CFP: variants seen among roughly 807,000 people sequenced by gnomAD.
CFP encodes the protein complement factor properdin.
CFP carries 14 observed loss-of-function variants against 42.1 expected under a neutral mutation model. That is an observed-to-expected ratio of 0.33 (90% CI 0.22 to 0.52). The LOEUF is 0.52. Ranked by LOEUF, CFP falls within the 20% of genes least tolerant of loss-of-function variation. The pLI is 0.96. For synonymous variants in CFP, 149 were observed against 160.6 expected, an observed-to-expected ratio of 0.93 and a Z score of 0.54; for missense variants, 318 against 400.4, an observed-to-expected ratio of 0.79 and a Z score of 1.76.
intron 8 of CFP, 87 bp from the exon 9 acceptor site, chrX:47,624,527 T>C: frequency 1.5e-6 from 1 of 675,556 alleles, no homozygotes; most frequent in South Asian, 3.7e-5. Context: ...GCCTGCTATA[T>C]GCCGAGGGCT....
Position 47,629,816 on chromosome X carries a change from C to T in CFP, c.29G>A (p.Arg10Gln), listed in dbSNP as rs888034371. 10 of 1,165,843 alleles carry T rather than the reference C, an allele frequency of 8.6e-6. No individual in the cohort carries two copies. The highest frequency in any genetic ancestry group is 7.2e-5 in the African/African-American group (4 of 55,401). The change falls in exon 1 of 9, where the codon CGA (arginine) becomes CAA (glutamine). Residue 10 changes from arginine (R) to glutamine (Q), a missense_variant. Physicochemically the swap from Arg to Gln is conservative, Grantham distance 43. Coordinates refer to ENST00000396992, the MANE Select transcript of CFP (RefSeq NM_001145252.3). MITEGAQAP[R>Q]LLLPPLLLLL... is the part of the protein sequence containing the mutation. ...CAGGAGCAGCGGCGGCAGCAACAATCGAGGGGCCTGCGCTCCCTCTGTGAT... is the reference window on the plus strand; with the variant it reads ...CAGGAGCAGCGGCGGCAGCAACAATTGAGGGGCCTGCGCTCCCTCTGTGAT...
intron 3 of CFP, 119 bp downstream of exon 3, chrX:47,627,982 TC>T: frequency 1.1e-6 from 1 of 882,739 alleles, no homozygotes. Context: ...CTCCCACCAC[TC>T]TCCTCCTTAG....
At chrX:47,627,974 C>T in intron 3 of CFP, 128 bp downstream of exon 3, 2 of 837,803 alleles carry the variant, frequency 2.4e-6, no homozygotes, top group Non-Finnish European at 3.4e-6. Context: ...GACCTCACCT[C>T]CCACCACTCT....
At chrX:47,629,499 T>TCCCCCCCCCCCCGGCCC in intron 2 of CFP, 25 bp downstream of exon 2, 1 of 373,024 alleles carries the variant, frequency 2.7e-6, no homozygotes, top group South Asian at 3.3e-5. Context: ...CTCCCCCCCA[T>TCCCCCCCCCCCCGGCCC]CCCCCACCCC....
rs1451588268 is a variant in CFP at position 47,623,419 on chromosome X, C to T, written c.*856G>A. The T allele has an allele frequency of 8.9e-6, 1 of 112,377 alleles. No individual in the cohort carries two copies. The highest frequency in any genetic ancestry group is 1.9e-5 in the Non-Finnish European group (1 of 53,313). The allele number at this position is 112,377 out of a possible 1,213,427, so 9.3% of individuals were successfully genotyped here. A position where few individuals can be genotyped will look rare whatever the true frequency, so the allele number is the denominator to read the frequency against. ...ATAGATGTTCACACGAAAGGAATACCTTCTGAGTCTGTTCCCTCACTCAGA... is the reference window on the plus strand; with the variant it reads ...ATAGATGTTCACACGAAAGGAATACTTTCTGAGTCTGTTCCCTCACTCAGA... On this transcript the variant is annotated 3_prime_UTR_variant, in exon 9 of 9. Coordinates refer to ENST00000396992, the MANE Select transcript of CFP (RefSeq NM_001145252.3).
intron 5 of CFP, 63 bp from the exon 6 acceptor site, chrX:47,627,009 A>G (rs2057971508): frequency 8.7e-7 from 1 of 1,144,988 alleles, no homozygotes; most frequent in Non-Finnish European, 1.2e-6. Flanking sequence ...CAGCCCCTAG[A>G]CCCTTGAAGC....
In CFP at chrX:47,629,594, C is replaced by A. The variant is rs8177068; in HGVS notation, c.157G>T (p.Val53Leu). 8.5e-7 allele frequency: 1 copy of A among 1,170,418 alleles called. No individual in the cohort carries two copies. The highest frequency in any genetic ancestry group is 2.6e-5 in the Admixed American group (1 of 39,084). The part of the protein sequence containing the change: ...CKGLLGGGVS[V>L]EDCCLNTAFA... The stretch of plus-strand genomic sequence containing the variant: ...GCAGTGTTGAGACAGCAGTCTTCCA[C>A]GCTGACACCACCCCCCAGGAGGCCC... Residue 53 changes from valine to leucine, a missense_variant, in exon 2 of 9, where the codon GTG (valine) becomes TTG (leucine). Transcript: ENST00000396992.
At chrX:47,624,539 CTTT>C (rs11385461) in intron 8 of CFP, 99 bp from the exon 9 acceptor site, 714 of 301,344 alleles carry the variant, frequency 2.4e-3, no homozygotes, top group East Asian at 3.6e-3. Context: ...CCGAGGGCTA[CTTT>C]TTTTTTTTTT....
Position 47,623,575 on chromosome X carries a change from C to T in CFP, c.*700G>A, listed in dbSNP as rs2057956050. The T allele has an allele frequency of 1.8e-5, 2 of 113,264 alleles. No homozygotes were observed. Among genetic ancestry groups the T allele is most frequent in the Admixed American group, 9.2e-5 (1 of 10,835 alleles). 9.3% of individuals were successfully genotyped at this position (113,264 alleles called of 1,213,427 possible). On this transcript the variant is annotated 3_prime_UTR_variant, in exon 9 of 9. Transcript: ENST00000396992. ...AGTGTCTGGATTTGTCTTGGGGGCT[C>T]CTCCGGGCGGATACTGACTCTAGCT...
intron 8 of CFP, chrX:47,624,962 A>G (rs2057963059): frequency 8.9e-6 from 1 of 111,818 alleles, no homozygotes; most frequent in South Asian, 3.7e-4. Flanking sequence ...ACTTTCTTTT[A>G]CCTCCGAAAT....
chrX:47,624,507 C>A, intron 8 of CFP, 67 bp from the exon 9 acceptor site: 17 of 691,014 alleles, frequency 2.5e-5, no homozygotes, highest in Non-Finnish European at 3.6e-5. Context: ...GCATTCAATT[C>A]TTATTGAGTG....
In CFP at chrX:47,627,237, A is replaced by G. The variant is rs1389463165; in HGVS notation, c.670T>C (p.Cys224Arg). 1 of 1,210,010 alleles carries G rather than the reference A, an allele frequency of 8.3e-7. No homozygotes were observed. The highest frequency in any genetic ancestry group is 1.1e-6 in the Non-Finnish European group (1 of 894,886). The part of the protein sequence containing the change: ...HEPKETRSRK[C>R]SAPEPSQKPP... Reference sequence around the variant, plus strand: ...TTCTGGGAGGGCTCAGGTGCAGAACACTTGCGGCTTCGTGTCTCCTTAGGT... The same window carrying G: ...TTCTGGGAGGGCTCAGGTGCAGAACGCTTGCGGCTTCGTGTCTCCTTAGGT... The change falls in exon 5 of 9, where the codon TGT becomes CGT. Residue 224 changes from cysteine to arginine, a missense_variant. Cys to Arg is a radical substitution (Grantham distance 180, BLOSUM62 -3). Coordinates refer to ENST00000396992, the MANE Select transcript of CFP (RefSeq NM_001145252.3).
intron 8 of CFP, chrX:47,625,793 T>C (rs1046639773): frequency 3.2e-5 from 13 of 404,729 alleles, no homozygotes; most frequent in Non-Finnish European, 4.4e-5. Flanking sequence ...CATGGGTAAC[T>C]GAAGGTCGGA....
chrX:47,625,837 G>A, intron 8 of CFP: 1 of 451,159 alleles, frequency 2.2e-6, no homozygotes, highest in Non-Finnish European at 4.0e-6. Context: ...GTGGATGAGT[G>A]ACTGAACAGG....
Position 47,629,817 on chromosome X carries a change from G to T in CFP, c.28C>A (p.Arg10=). ...AGGAGCAGCGGCGGCAGCAACAATC[G>T]AGGGGCCTGCGCTCCCTCTGTGATC... MITEGAQAP[R]LLLPPLLLLL... The change falls in exon 1 of 9, where the codon CGA becomes AGA. Residue 10 remains arginine (R), a synonymous_variant. Transcript: ENST00000396992. The T allele has an allele frequency of 8.6e-7, 1 of 1,167,914 alleles. No homozygotes were observed.
At chrX:47,628,646 ATCCCTATGACC>A in intron 2 of CFP, 1 of 348,662 alleles carries the variant, frequency 2.9e-6, no homozygotes, top group Non-Finnish European at 5.5e-6. Context: ...CTGAGCCATC[ATCCCTATGACC>A]TCAGAGGCCT....
chrX:47,627,103 G>A (rs1214391545), intron 5 of CFP, 38 bp downstream of exon 5: 1 of 1,202,295 alleles, frequency 8.3e-7, no homozygotes, highest in Non-Finnish European at 1.1e-6. Flanking sequence ...TCAATCAAGA[G>A]CCCCACCAGC....
At position 47,628,159 on chromosome X, in the gene CFP, C is replaced by G. The variant is rs1357958706; in HGVS notation, c.346G>C (p.Ala116Pro). ...GWNGQCSGKV[A>P]PGTLEWQLQA... Reference sequence around the variant, plus strand: ...AGCTGCCACTCCAGGGTCCCAGGTGCCACCTTTCCAGAGCACTGCCCATTC... The same window carrying G: ...AGCTGCCACTCCAGGGTCCCAGGTGGCACCTTTCCAGAGCACTGCCCATTC... Residue 116 changes from alanine (A) to proline (P), a missense_variant, in exon 3 of 9, where the codon GCA becomes CCA. By Grantham distance (27) the Ala-to-Pro change is conservative. Coordinates refer to ENST00000396992, the MANE Select transcript of CFP (RefSeq NM_001145252.3). 8.3e-7 allele frequency: 1 copy of G among 1,211,918 alleles called. No individual in the cohort carries two copies. Among genetic ancestry groups the G allele is most frequent in the Admixed American group, 2.2e-5 (1 of 46,086 alleles).
intron 8 of CFP, 86 bp from the exon 9 acceptor site, chrX:47,624,526 A>T (rs2235182): frequency 2.9e-5 from 18 of 622,711 alleles, no homozygotes; most frequent in Non-Finnish European, 4.0e-5. Context: ...TGCCTGCTAT[A>T]TGCCGAGGGC....
Sources: gnomAD v4.1 joint callset for allele counts on GRCh38, gnomAD v4.1.1 for gene constraint, MANE v1.5 for transcripts, NCBI Gene and HGNC (gene_info 2026-07-23, HGNC 2026-07-21) for gene names.